The following ADAMTSL1 variants were observed in gnomAD, a reference collection of about 807,000 sequenced individuals.
ADAMTSL1 encodes ADAMTS like 1.
In ADAMTSL1, 126 loss-of-function variants were observed where a neutral mutation model predicts 201.8. The ratio of observed to expected loss-of-function variants is 0.62; its 90% confidence interval spans 0.54 to 0.72. ADAMTSL1 has a LOEUF of 0.72. Among genes scored for constraint, ADAMTSL1 ranks in the 30% least tolerant of loss-of-function variants. The probability of loss-of-function intolerance (pLI) is 0.00; values close to 1 mark genes in which losing one functional copy is unlikely to be tolerated. For missense variants in ADAMTSL1, 2,679 were observed against 2,277.8 expected (o/e 1.18, Z -3.59); for synonymous variants, 1,121 against 903.4 (o/e 1.24, Z -4.32).
intron 2 of ADAMTSL1, among the ~76,000 whole-genome samples, chr9:18,346,590 G>C (rs1835728151): frequency 6.6e-6 from 1 of 152,160 alleles, no homozygotes; most frequent in Admixed American, 6.5e-5. Context: ...GATAGCTACT[G>C]TTACTCCCCC....
At chr9:18,443,096 CCT>C (rs1466865286) in intron 2 of ADAMTSL1, among the ~76,000 whole-genome samples, 1 of 152,152 alleles carries the variant, frequency 6.6e-6, no homozygotes, top group Non-Finnish European at 1.5e-5. Context: ...CCTGGATATA[CCT>C]CTCTCCAAAT....
chr9:18,321,723 G>A (rs1284464403), intron 2 of ADAMTSL1, among the ~76,000 whole-genome samples: 1 of 151,386 alleles, frequency 6.6e-6, no homozygotes. Context: ...AACCCGGGAG[G>A]CGGAGCTTGC....
At chr9:18,710,224 T>C (rs1289862582) in intron 14 of ADAMTSL1, among the ~76,000 whole-genome samples, 2 of 152,206 alleles carry the variant, frequency 1.3e-5, no homozygotes, top group Non-Finnish European at 1.5e-5. Flanking sequence ...AATTGCATGC[T>C]GTGCTTAGAA....
At chr9:17,968,517 G>A (rs1426106345) in intron 1 of ADAMTSL1, among the ~76,000 whole-genome samples, 6 of 152,106 alleles carry the variant, frequency 3.9e-5, no homozygotes, top group Admixed American at 3.3e-4. Flanking sequence ...ATTGATGAGT[G>A]TGCATTGTTT....
At chr9:18,905,023 C>T (rs7864728) in intron 26 of ADAMTSL1, among the ~76,000 whole-genome samples, 71,300 of 151,958 alleles carry the variant, frequency 0.47, 17,330 homozygotes, top group African/African-American at 0.59. Flanking sequence ...CCCAGCACCA[C>T]CCCCAGTGGA....
chr9:18,026,628 T>A (rs1820707084), intron 1 of ADAMTSL1, among the ~76,000 whole-genome samples: 1 of 152,128 alleles, frequency 6.6e-6, no homozygotes, highest in Non-Finnish European at 1.5e-5. Flanking sequence ...TGAGGATTTT[T>A]GTGACTGTGT....
At chr9:18,553,726 C>A (rs1165411252) in intron 3 of ADAMTSL1, among the ~76,000 whole-genome samples, 2 of 151,800 alleles carry the variant, frequency 1.3e-5, no homozygotes, top group Non-Finnish European at 2.9e-5. Flanking sequence ...TATCTTGTCT[C>A]AACACTTCAA....
intron 1 of ADAMTSL1, among the ~76,000 whole-genome samples, chr9:17,985,243 A>C (rs1457056775): frequency 6.6e-6 from 1 of 152,126 alleles, no homozygotes; most frequent in African/African-American, 2.4e-5. Flanking sequence ...GAATAGAATG[A>C]TGTAATCACC....
intron 23 of ADAMTSL1, among the ~76,000 whole-genome samples, chr9:18,840,288 A>G (rs1382646001): frequency 3.3e-5 from 5 of 152,120 alleles, no homozygotes; most frequent in Non-Finnish European, 7.3e-5. Context: ...TTTATTAAAT[A>G]GGGAATCCTT....
intron 2 of ADAMTSL1, among the ~76,000 whole-genome samples, chr9:18,262,767 A>G (rs1831972619): frequency 1.3e-5 from 2 of 152,206 alleles, no homozygotes; most frequent in African/African-American, 4.8e-5. Context: ...CAAAAGATAA[A>G]CTGATTCTGA....
At chr9:18,520,457 G>T (rs1412962215) in intron 2 of ADAMTSL1, among the ~76,000 whole-genome samples, 1 of 152,150 alleles carries the variant, frequency 6.6e-6, no homozygotes, top group Non-Finnish European at 1.5e-5. Flanking sequence ...CAAAACTGAG[G>T]TCACAAAAAT....
chr9:18,892,333 CTT>C, intron 25 of ADAMTSL1, 54 bp from the exon 26 acceptor site: 1 of 1,544,380 alleles, frequency 6.5e-7, no homozygotes, highest in Non-Finnish European at 8.8e-7. Flanking sequence ...GAGGAGGTCT[CTT>C]TTCCCCAGGG....
chr9:17,929,903 G>A (rs936432104), intron 1 of ADAMTSL1, among the ~76,000 whole-genome samples: 1 of 152,044 alleles, frequency 6.6e-6, no homozygotes, highest in Non-Finnish European at 1.5e-5. Flanking sequence ...TACACATGAG[G>A]CCAGGGATGG....
At chr9:18,346,020 C>T (rs950215025) in intron 2 of ADAMTSL1, among the ~76,000 whole-genome samples, 2 of 152,168 alleles carry the variant, frequency 1.3e-5, no homozygotes, top group African/African-American at 2.4e-5. Context: ...TGGTCCTGCT[C>T]TGTTCCTGGA....
intron 4 of ADAMTSL1, among the ~76,000 whole-genome samples, chr9:18,600,259 AC>A (rs1236226257): frequency 6.6e-6 from 1 of 152,126 alleles, no homozygotes; most frequent in African/African-American, 2.4e-5. Context: ...GAATAGAAAA[AC>A]GATCCTCATA....
At chr9:18,201,246 G>A (rs1052670862) in intron 2 of ADAMTSL1, among the ~76,000 whole-genome samples, 2 of 152,102 alleles carry the variant, frequency 1.3e-5, no homozygotes, top group African/African-American at 2.4e-5. Flanking sequence ...TTAAGGAAAT[G>A]TTTGCCTGTA....
intron 4 of ADAMTSL1, among the ~76,000 whole-genome samples, chr9:18,606,856 AT>A (rs1273787154): frequency 6.6e-6 from 1 of 152,076 alleles, no homozygotes; most frequent in Non-Finnish European, 1.5e-5. Context: ...TCCTAATGTA[AT>A]TTCCCACTCT....
intron 2 of ADAMTSL1, among the ~76,000 whole-genome samples, chr9:18,289,063 T>C (rs1490321476): frequency 6.6e-6 from 1 of 152,206 alleles, no homozygotes; most frequent in Non-Finnish European, 1.5e-5. Context: ...TATATTAGTC[T>C]GGGTTCTCCA....
intron 2 of ADAMTSL1, among the ~76,000 whole-genome samples, chr9:18,449,751 A>G (rs1026859513): frequency 1.3e-5 from 2 of 152,260 alleles, no homozygotes; most frequent in African/African-American, 4.8e-5. Flanking sequence ...TGATAGATGC[A>G]GGTGTCAAAT....
Sources: gnomAD v4.1 joint callset for allele counts (sites outside exome capture counted in the v4.1 genomes callset) on GRCh38, gnomAD v4.1.1 for gene constraint, MANE v1.5 for transcripts, NCBI Gene and HGNC (gene_info 2026-07-23, HGNC 2026-07-21) for gene names.